The following ZNF365 variants were observed in gnomAD, a reference collection of about 807,000 sequenced individuals.
ZNF365 encodes protein ZNF365.
A neutral mutation model predicts 35.0 loss-of-function variants in ZNF365; 22 were observed. The observed-to-expected ratio is 0.63, with a 90% confidence interval of 0.45 to 0.90. ZNF365 has a LOEUF of 0.90. Ranked by LOEUF, ZNF365 falls within the 40% of genes least tolerant of loss-of-function variation. ZNF365 has a pLI of 0.00. For missense variants in ZNF365, 448 were observed against 500.3 expected (o/e 0.90, Z 1.00); for synonymous variants, 188 against 196.2 (o/e 0.96, Z 0.35).
chr10:62,389,809 G>A (rs1839595763), intron 3 of ZNF365, among the ~76,000 whole-genome samples: 1 of 152,230 alleles, frequency 6.6e-6, no homozygotes, highest in African/African-American at 2.4e-5. Flanking sequence ...CTGGAAGGAA[G>A]TGTGTTACAT....
In ZNF365 at chr10:62,402,436, T is replaced by A; in HGVS notation, c.*2647T>A. 1.0e-6 allele frequency: 1 copy of A among 985,192 alleles called. No individual in the cohort carries two copies. Among genetic ancestry groups the A allele is most frequent in the South Asian group, 4.7e-5 (1 of 21,286 alleles). 61.0% of individuals were successfully genotyped at this position (985,192 alleles called of 1,614,324 possible). On this transcript the variant is annotated 3_prime_UTR_variant, in exon 5 of 5. Coordinates refer to ENST00000395254, the MANE Select transcript of ZNF365 (RefSeq NM_014951.3). ...TTATGAAATATTATGATAATAAAGC[T>A]ATATTTCTGACTAATGTGTTGATAT...
intron 3 of ZNF365, among the ~76,000 whole-genome samples, chr10:62,436,263 A>G (rs1163494025): frequency 1.3e-5 from 2 of 152,176 alleles, no homozygotes; most frequent in Non-Finnish European, 1.5e-5. Context: ...GACAAATAGG[A>G]AAGTTCCAAC....
intron 3 of ZNF365, among the ~76,000 whole-genome samples, chr10:62,426,364 T>C (rs767167727): frequency 2.0e-5 from 3 of 152,118 alleles, no homozygotes; most frequent in Admixed American, 1.3e-4. Context: ...ACCATAGTTG[T>C]CTAGGTTTTC....
intron 3 of ZNF365, among the ~76,000 whole-genome samples, chr10:62,417,044 A>G (rs1184638466): frequency 6.6e-6 from 1 of 152,104 alleles, no homozygotes; most frequent in African/African-American, 2.4e-5. Flanking sequence ...ACTTACTGGA[A>G]ATAGTATTAA....
At chr10:62,422,387 T>C in intron 3 of ZNF365, among the ~76,000 whole-genome samples, 1 of 152,160 alleles carries the variant, frequency 6.6e-6, no homozygotes, top group East Asian at 1.9e-4. Context: ...TTCCCCACTT[T>C]TGAGTGTACT....
intron 3 of ZNF365, among the ~76,000 whole-genome samples, chr10:62,427,976 G>A (rs1840275506): frequency 1.3e-5 from 2 of 152,166 alleles, no homozygotes; most frequent in South Asian, 2.1e-4. Context: ...CATCACAGAA[G>A]CCAATATGAT....
intron 2 of ZNF365, among the ~76,000 whole-genome samples, chr10:62,378,971 G>A (rs915743426): frequency 6.6e-6 from 1 of 150,412 alleles, no homozygotes; most frequent in South Asian, 2.1e-4. Flanking sequence ...TATTATCCTT[G>A]TACATGTTTG....
intron 3 of ZNF365, among the ~76,000 whole-genome samples, chr10:62,425,569 A>G (rs1339019000): frequency 6.6e-6 from 1 of 152,132 alleles, no homozygotes; most frequent in Non-Finnish European, 1.5e-5. Context: ...CCAGTCAAGG[A>G]CCTGTGTGAT....
chr10:62,470,102 C>T (rs1354277637), intron 4 of ZNF365, among the ~76,000 whole-genome samples: 2 of 152,026 alleles, frequency 1.3e-5, no homozygotes, highest in African/African-American at 2.4e-5. Flanking sequence ...TTGCCTATAA[C>T]TTTGGTTAGT....
At position 62,376,926 on chromosome 10, in the gene ZNF365, AG is replaced by A; in HGVS notation, c.735del (p.Glu247LysfsTer36). On this transcript the variant is annotated frameshift_variant, in exon 2 of 5. Transcript: ENST00000395254. LOFTEE classifies it high-confidence loss of function. ...RLTESEEELL[R>X]KEEEVVTFNH... ...GACGGAATCTGAGGAGGAGCTTCTT[AG>A]GAAAGAAGAGTAAGTGTTGCTGACA... 1 of 1,606,960 alleles carries A rather than the reference AG, an allele frequency of 6.2e-7. No homozygotes were observed. The highest frequency in any genetic ancestry group is 8.5e-7 in the Non-Finnish European group (1 of 1,177,354).
intron 3 of ZNF365, among the ~76,000 whole-genome samples, chr10:62,431,375 C>T (rs1305790566): frequency 6.6e-6 from 1 of 152,200 alleles, no homozygotes; most frequent in Non-Finnish European, 1.5e-5. Context: ...ACAGAATCAT[C>T]CTACATACAT....
At chr10:62,447,649 C>A (rs190685198) in intron 3 of ZNF365, among the ~76,000 whole-genome samples, 1 of 152,336 alleles carries the variant, frequency 6.6e-6, no homozygotes, top group East Asian at 1.9e-4. Flanking sequence ...GAGTCACATG[C>A]GGTGGCTGCC....
At position 62,400,762 on chromosome 10, in the gene ZNF365, C is replaced by T. The variant is rs545218416; in HGVS notation, c.*973C>T. 8.1e-6 allele frequency: 8 copies of T among 985,688 alleles called. No homozygotes were observed. In the East Asian group the frequency reaches 8.9e-4, roughly 110 times the overall value. The allele number at this position is 985,688 out of a possible 1,614,324, so 61.1% of individuals were successfully genotyped here. Reference sequence around the variant, plus strand: ...TCTGCTATGGGCATGACTTTCTCTTCGCTGGCTTAACTTTTCCACTGGGTG... The same window carrying T: ...TCTGCTATGGGCATGACTTTCTCTTTGCTGGCTTAACTTTTCCACTGGGTG... On this transcript the variant is annotated 3_prime_UTR_variant, in exon 5 of 5. Coordinates refer to ENST00000395254, the MANE Select transcript of ZNF365 (RefSeq NM_014951.3).
Position 62,399,514 on chromosome 10 carries a change from C to T in ZNF365, c.963-14C>T. The T allele has an allele frequency of 6.2e-7, 1 of 1,613,316 alleles. No individual in the cohort carries two copies. On this transcript the variant is annotated splice_polypyrimidine_tract_variant and intron_variant, in intron 4 of 4. Transcript: ENST00000395254. ...GCTCATCTCTTCTCCACTCCCCCCT[C>T]CAACCCTCTGTAGAAGCCGAGGGCA...
rs1385394643 is a variant in ZNF365, at chr10:62,376,516, A to G, written c.323A>G (p.His108Arg). The G allele has an allele frequency of 4.1e-5, 66 of 1,614,052 alleles. No individual in the cohort carries two copies. Among genetic ancestry groups the G allele is most frequent in the Non-Finnish European group, 5.5e-5 (65 of 1,180,050 alleles). Residue 108 changes from histidine to arginine, a missense_variant, in exon 2 of 5, where the codon CAT becomes CGT. Physicochemically the swap from His to Arg is conservative, Grantham distance 29. Transcript: ENST00000395254. ...AACTTGTACAGCATTTCACATGAAC[A>G]TTCCAAGGACAGGAAGCCATTTGAG... ...YVNLYSISHEHSKDRKPFEVV... is the reference protein window; with the variant it reads ...YVNLYSISHERSKDRKPFEVV...
At chr10:62,450,180 G>A (rs543875307) in intron 3 of ZNF365, among the ~76,000 whole-genome samples, 3 of 152,162 alleles carry the variant, frequency 2.0e-5, no homozygotes, top group East Asian at 1.9e-4. Context: ...TCCTCATTTC[G>A]TTTGGATTTT....
At chr10:62,381,788 A>G (rs1051524746) in intron 2 of ZNF365, among the ~76,000 whole-genome samples, 2 of 152,146 alleles carry the variant, frequency 1.3e-5, no homozygotes, top group African/African-American at 2.4e-5. Context: ...TTTGATCACA[A>G]TGAGAGGACT....
chr10:62,396,043 T>C (rs1225983824), intron 3 of ZNF365, among the ~76,000 whole-genome samples: 1 of 152,192 alleles, frequency 6.6e-6, no homozygotes, highest in Non-Finnish European at 1.5e-5. Flanking sequence ...CTTTTCCATC[T>C]GCCTGACGCC....
intron 2 of ZNF365, among the ~76,000 whole-genome samples, chr10:62,378,738 T>C (rs533627145): frequency 2.0e-5 from 3 of 152,344 alleles, no homozygotes; most frequent in South Asian, 2.1e-4. Context: ...CTAAATGAAA[T>C]TGTGACACAT....
Sources: gnomAD v4.1 joint callset for allele counts (sites outside exome capture counted in the v4.1 genomes callset) on GRCh38, gnomAD v4.1.1 for gene constraint, MANE v1.5 for transcripts, NCBI Gene and HGNC (gene_info 2026-07-23, HGNC 2026-07-21) for gene names.